The following OLFM3 variants were observed in gnomAD, a reference collection of about 807,000 sequenced individuals.
OLFM3 encodes the protein noelin-3.
Under a neutral mutation model 48.6 loss-of-function variants are expected in OLFM3, and 20 were observed. The observed-to-expected ratio is 0.41, with a 90% CI of 0.29 to 0.60. The LOEUF (loss-of-function observed/expected upper bound fraction) is 0.60. Ranked by LOEUF, OLFM3 falls within the 20% of genes least tolerant of loss-of-function variation. The pLI is 0.28. For missense variants in OLFM3, 437 were observed against 544.3 expected (o/e 0.80, Z 1.96); for synonymous variants, 222 against 198.1 (o/e 1.12, Z -1.01).
At chr1:101,888,343 T>A (rs575071513) in intron 1 of OLFM3, among the ~76,000 whole-genome samples, 1 of 151,966 alleles carries the variant, frequency 6.6e-6, no homozygotes, top group South Asian at 2.1e-4. Flanking sequence ...AGAAATAACA[T>A]CACACATCTA....
In OLFM3 at chr1:101,803,368, T is replaced by G. The variant is rs41287300; in HGVS notation, c.*870A>C. ...GATGCACCTTGTGCAAGAAACTATA[T>G]GGGTTGCATTCAGTGGAGTGAACAG... On this transcript the variant is annotated 3_prime_UTR_variant, in exon 6 of 6. Coordinates refer to ENST00000370103, the MANE Select transcript of OLFM3 (RefSeq NM_058170.4). 3 of 152,110 alleles carry G rather than the reference T, an allele frequency of 2.0e-5. No individual in the cohort carries two copies. Among genetic ancestry groups the G allele is most frequent in the African/African-American group, 7.2e-5 (3 of 41,386 alleles). 9.4% of individuals were successfully genotyped at this position (152,110 alleles called of 1,614,324 possible). A position where few individuals can be genotyped will look rare whatever the true frequency, so the allele number is the denominator to read the frequency against.
intron 1 of OLFM3, among the ~76,000 whole-genome samples, chr1:101,916,717 G>A (rs1346453288): frequency 6.6e-6 from 1 of 152,142 alleles, no homozygotes; most frequent in Non-Finnish European, 1.5e-5. Context: ...TGTCATATAT[G>A]ACTGAATATT....
At chr1:101,879,915 G>T (rs1054697662) in intron 1 of OLFM3, among the ~76,000 whole-genome samples, 23 of 151,764 alleles carry the variant, frequency 1.5e-4, no homozygotes, top group African/African-American at 5.6e-4. Context: ...TATAATTGAT[G>T]AAAAAGCTCA....
intron 1 of OLFM3, among the ~76,000 whole-genome samples, chr1:101,944,775 G>C (rs949381121): frequency 2.0e-5 from 3 of 152,028 alleles, no homozygotes; most frequent in African/African-American, 7.3e-5. Context: ...AGCTACTCAG[G>C]AGGCTGAGGC....
At chr1:101,882,974 G>A (rs1332046029) in intron 1 of OLFM3, 2 of 151,856 alleles carry the variant, frequency 1.3e-5, no homozygotes, top group Non-Finnish European at 2.9e-5. Flanking sequence ...AAAGAATCTA[G>A]TCAGAATGTC....
At chr1:101,889,900 G>A (rs1657922192) in intron 1 of OLFM3, among the ~76,000 whole-genome samples, 1 of 151,834 alleles carries the variant, frequency 6.6e-6, no homozygotes, top group South Asian at 2.1e-4. Context: ...CTACTTCTCA[G>A]AAGTCGTCTT....
At chr1:101,859,007 A>G (rs1399704912) in intron 1 of OLFM3, among the ~76,000 whole-genome samples, 1 of 152,080 alleles carries the variant, frequency 6.6e-6, no homozygotes, top group Non-Finnish European at 1.5e-5. Flanking sequence ...CAGGAAGGAA[A>G]GGCCATTTCA....
At chr1:101,863,627 T>A (rs547844712) in intron 1 of OLFM3, among the ~76,000 whole-genome samples, 39 of 152,286 alleles carry the variant, frequency 2.6e-4, no homozygotes, top group Non-Finnish European at 4.1e-4. Context: ...TAAGGACGCT[T>A]ATTCGTAAAA....
chr1:101,866,631 A>G (rs11803741), intron 1 of OLFM3, among the ~76,000 whole-genome samples: 4,935 of 152,290 alleles, frequency 0.032, 277 homozygotes, highest in African/African-American at 0.11. Context: ...AGTACTTAAT[A>G]TAAACACGAT....
chr1:101,848,957 C>T (rs1482662659), intron 1 of OLFM3, among the ~76,000 whole-genome samples: 3 of 152,020 alleles, frequency 2.0e-5, no homozygotes, highest in Non-Finnish European at 4.4e-5. Flanking sequence ...CAGGGGAAAA[C>T]AGTGCTCTGA....
chr1:101,880,316 C>T (rs1443779985), intron 1 of OLFM3, among the ~76,000 whole-genome samples: 8 of 151,732 alleles, frequency 5.3e-5, no homozygotes, highest in African/African-American at 9.7e-5. Context: ...TGATTTCCCC[C>T]AGTCCCACAA....
intron 1 of OLFM3, among the ~76,000 whole-genome samples, chr1:101,932,554 CA>C (rs2101049640): frequency 6.6e-6 from 1 of 152,272 alleles, no homozygotes; most frequent in African/African-American, 2.4e-5. Context: ...GGAAGAGAAA[CA>C]AACCCAGTCA....
At chr1:101,909,861 A>T (rs369149449) in intron 1 of OLFM3, among the ~76,000 whole-genome samples, 1 of 152,184 alleles carries the variant, frequency 6.6e-6, no homozygotes, top group Non-Finnish European at 1.5e-5. Context: ...AAAAGGGTGT[A>T]TACTGGTTTG....
At chr1:101,931,305 A>G (rs1274722549) in intron 1 of OLFM3, among the ~76,000 whole-genome samples, 1 of 152,136 alleles carries the variant, frequency 6.6e-6, no homozygotes, top group African/African-American at 2.4e-5. Flanking sequence ...TAATCCTCTC[A>G]AAGGGGAGAA....
intron 4 of OLFM3, among the ~76,000 whole-genome samples, chr1:101,824,238 A>G (rs1204082218): frequency 1.3e-5 from 2 of 152,120 alleles, no homozygotes; most frequent in Non-Finnish European, 2.9e-5. Flanking sequence ...CATGTCAACA[A>G]CTAAAATACT....
intron 1 of OLFM3, among the ~76,000 whole-genome samples, chr1:101,920,726 CTTGTATCAGCTGTCCTCAGAG>C (rs1659069465): frequency 6.6e-6 from 1 of 152,136 alleles, no homozygotes; most frequent in South Asian, 2.1e-4. Flanking sequence ...TGCCAGAGCT[CTTGTATCAGCTGTCCTCAGAG>C]TTGTCTCTGG....
intron 1 of OLFM3, among the ~76,000 whole-genome samples, chr1:101,929,916 T>C (rs1659395404): frequency 6.6e-6 from 1 of 152,102 alleles, no homozygotes; most frequent in Non-Finnish European, 1.5e-5. Context: ...TAAATTATTT[T>C]ATAATTTCTA....
chr1:101,819,365 AG>A (rs1654491702), intron 4 of OLFM3, among the ~76,000 whole-genome samples: 1 of 152,184 alleles, frequency 6.6e-6, no homozygotes, highest in Non-Finnish European at 1.5e-5. Context: ...TCCATTTTAA[AG>A]GTAAACCACT....
chr1:101,952,220 T>C (rs1163741917), intron 1 of OLFM3, among the ~76,000 whole-genome samples: 1 of 152,154 alleles, frequency 6.6e-6, no homozygotes, highest in African/African-American at 2.4e-5. Context: ...AATTTCTTAT[T>C]TTCTCCTTTT....
Sources: gnomAD v4.1 joint callset for allele counts (sites outside exome capture counted in the v4.1 genomes callset) on GRCh38, gnomAD v4.1.1 for gene constraint, MANE v1.5 for transcripts, NCBI Gene and HGNC (gene_info 2026-07-23, HGNC 2026-07-21) for gene names.